The following DCC variants were observed in gnomAD, a reference collection of about 807,000 sequenced individuals.
DCC encodes the protein DCC netrin 1 receptor.
Under a neutral mutation model 172.5 loss-of-function variants are expected in DCC, and 58 were observed. The observed-to-expected ratio is 0.34, with a 90% CI of 0.27 to 0.42. DCC has a LOEUF of 0.42. Among genes scored for constraint, DCC ranks in the 10% least tolerant of loss-of-function variants. The pLI is 1.00. For synonymous variants in DCC, 709 were observed against 644.5 expected, an observed-to-expected ratio of 1.10 and a Z score of -1.52; for missense variants, 1,740 against 1,791.0, an observed-to-expected ratio of 0.97 and a Z score of 0.51.
intron 1 of DCC, among the ~76,000 whole-genome samples, chr18:52,490,650 C>T (rs1461910030): frequency 1.3e-5 from 2 of 152,016 alleles, no homozygotes; most frequent in East Asian, 3.9e-4. Flanking sequence ...ATTCTTTTTC[C>T]TATTTTGTAG....
chr18:52,835,320 C>T lies in DCC; in HGVS notation c.413-70724C>T, dbSNP rs139949676. Among the ~76,000 whole-genome samples the T allele has an allele frequency of 3.6e-3, 548 of 152,248 alleles. 5 individuals are homozygous for T. Among genetic ancestry groups the T allele is most frequent in the Non-Finnish European group, 4.1e-3 (281 of 67,996 alleles). On this transcript the variant is annotated intron_variant, in intron 2 of 28. Transcript: ENST00000442544. ...ATTTTAAAACACCACTCAAGATGCC[C>T]AACCATTTCAAAGTAATTTACTTTC... is the stretch of plus-strand genomic sequence containing the variant.
chr18:53,092,605 T>C (rs2043030266), intron 7 of DCC, among the ~76,000 whole-genome samples: 1 of 152,242 alleles, frequency 6.6e-6, no homozygotes, highest in African/African-American at 2.4e-5. Context: ...GACTGTTCTA[T>C]GAGCCTGTTA....
chr18:52,384,370 CAAT>C (rs1366393848), intron 1 of DCC, among the ~76,000 whole-genome samples: 3 of 152,136 alleles, frequency 2.0e-5, no homozygotes, highest in Admixed American at 2.0e-4. Flanking sequence ...TTTATCCCAG[CAAT>C]AATTTAAATC....
chr18:52,842,988 C>T (rs961583411), intron 2 of DCC, among the ~76,000 whole-genome samples: 3 of 152,188 alleles, frequency 2.0e-5, no homozygotes, highest in Admixed American at 6.5e-5. Context: ...AATTTAGGTG[C>T]TTTTTAGATT....
chr18:53,171,873 TAAAC>T (rs1451325818), intron 8 of DCC, among the ~76,000 whole-genome samples: 1 of 149,978 alleles, frequency 6.7e-6, no homozygotes, highest in African/African-American at 2.5e-5. Context: ...AAAAAAATAA[TAAAC>T]AATAGATGCT....
rs1568370199 is a variant in DCC, at chr18:53,215,528, A to T, written c.1862-20A>T. 1.2e-6 allele frequency: 2 copies of T among 1,611,316 alleles called. No homozygotes were observed. Among genetic ancestry groups the T allele is most frequent in the South Asian group, 1.1e-5 (1 of 91,000 alleles). On this transcript the variant is annotated intron_variant, in intron 11 of 28. Transcript: ENST00000442544. The stretch of plus-strand genomic sequence containing the variant: ...CAAGATTTTGGCAGTAACTGTGACA[A>T]TTTGTTTGATTCCTTTTAGTGCCAA...
At chr18:53,523,128 G>C (rs1222564205) in intron 27 of DCC, among the ~76,000 whole-genome samples, 1 of 152,028 alleles carries the variant, frequency 6.6e-6, no homozygotes, top group African/African-American at 2.4e-5. Context: ...CACTTCTCAA[G>C]AGAAGACATT....
chr18:53,133,471 C>G (rs1598835374), intron 7 of DCC, among the ~76,000 whole-genome samples: 4 of 152,228 alleles, frequency 2.6e-5, no homozygotes, highest in Admixed American at 2.6e-4. Flanking sequence ...ACATTCTCTA[C>G]CCCTTTGCCC....
At chr18:53,357,150 A>T (rs1211531882) in intron 15 of DCC, among the ~76,000 whole-genome samples, 2 of 152,180 alleles carry the variant, frequency 1.3e-5, no homozygotes, top group African/African-American at 2.4e-5. Flanking sequence ...TCAGTATGCC[A>T]AAACTTTTAG....
chr18:53,203,726 C>A (rs2055580543), intron 9 of DCC, among the ~76,000 whole-genome samples: 1 of 152,132 alleles, frequency 6.6e-6, no homozygotes, highest in Non-Finnish European at 1.5e-5. Flanking sequence ...AACTGTATTA[C>A]AGGCCTACAA....
At chr18:52,783,796 A>C (rs75906728) in intron 2 of DCC, among the ~76,000 whole-genome samples, 8,028 of 152,048 alleles carry the variant, frequency 0.053, 285 homozygotes, top group South Asian at 0.16. Flanking sequence ...TTACAGGGCA[A>C]TACATACTTC....
At chr18:53,089,580 AAAAAAAC>A (rs1249210153) in intron 7 of DCC, among the ~76,000 whole-genome samples, 8 of 103,050 alleles carry the variant, frequency 7.8e-5, no homozygotes, top group African/African-American at 3.1e-4. Flanking sequence ...CCTAACTAAA[AAAAAAAC>A]CAAAAAACAA....
intron 2 of DCC, among the ~76,000 whole-genome samples, chr18:52,774,405 A>C (rs2037393020): frequency 1.3e-5 from 2 of 152,202 alleles, no homozygotes; most frequent in East Asian, 1.9e-4. Context: ...GGGCAGAATG[A>C]GGAAGTGGGG....
chr18:52,719,832 G>A (rs1052049106), intron 1 of DCC, among the ~76,000 whole-genome samples: 8 of 152,226 alleles, frequency 5.3e-5, no homozygotes, highest in African/African-American at 1.4e-4. Flanking sequence ...TTCAAGGGGC[G>A]GGATGGAGGT....
chr18:53,512,990 A>G (rs893399841), intron 27 of DCC, among the ~76,000 whole-genome samples: 1 of 152,074 alleles, frequency 6.6e-6, no homozygotes, highest in African/African-American at 2.4e-5. Flanking sequence ...GAGAAGAGCA[A>G]CTCCAAGACA....
chr18:52,593,479 A>T (rs564108619), intron 1 of DCC, among the ~76,000 whole-genome samples: 102 of 152,198 alleles, frequency 6.7e-4, no homozygotes, highest in African/African-American at 2.4e-3. Context: ...TCATTTATCT[A>T]TTGTCTGTGA....
chr18:53,087,509 G>T (rs1401407779), intron 7 of DCC, among the ~76,000 whole-genome samples: 1 of 151,800 alleles, frequency 6.6e-6, no homozygotes, highest in Non-Finnish European at 1.5e-5. Flanking sequence ...TTAGCCCTTT[G>T]TCAGATGAGT....
intron 7 of DCC, among the ~76,000 whole-genome samples, chr18:53,151,262 G>C: frequency 6.6e-6 from 1 of 152,146 alleles, no homozygotes; most frequent in East Asian, 1.9e-4. Context: ...TTAGTGAGGT[G>C]GTGTGTTCTA....
At chr18:53,393,583 GCTA>G (rs1376052683) in intron 17 of DCC, among the ~76,000 whole-genome samples, 1 of 152,098 alleles carries the variant, frequency 6.6e-6, no homozygotes, top group East Asian at 1.9e-4. Flanking sequence ...CTTTTAGAAG[GCTA>G]CTTTCTCCAC....
Sources: gnomAD v4.1 joint callset for allele counts (sites outside exome capture counted in the v4.1 genomes callset) on GRCh38, gnomAD v4.1.1 for gene constraint, MANE v1.5 for transcripts, NCBI Gene and HGNC (gene_info 2026-07-23, HGNC 2026-07-21) for gene names.